The following ATG5 variants were observed in gnomAD, a reference collection of about 807,000 sequenced individuals.
ATG5 encodes autophagy related 5.
ATG5 carries 14 observed loss-of-function variants against 36.5 expected under a neutral mutation model. That is an observed-to-expected ratio of 0.38 (90% CI 0.25 to 0.60). The LOEUF (loss-of-function observed/expected upper bound fraction) is 0.60, where lower values mean the gene tolerates loss of function less well. ATG5 is among the 20% of genes least tolerant of loss of function. The probability of loss-of-function intolerance (pLI) is 0.60; values close to 1 mark genes in which losing one functional copy is unlikely to be tolerated. For synonymous variants in ATG5, 95 were observed against 101.5 expected (o/e 0.94, Z 0.38); for missense variants, 195 against 326.7 (o/e 0.60, Z 3.11).
chr6:106,191,593 A>G (rs1775967868), intron 7 of ATG5, among the ~76,000 whole-genome samples: 1 of 152,146 alleles, frequency 6.6e-6, no homozygotes, highest in Admixed American at 6.6e-5. Flanking sequence ...TCTAATCTCC[A>G]GTTACATGAA....
intron 6 of ATG5, among the ~76,000 whole-genome samples, chr6:106,231,430 G>C (rs1777686119): frequency 6.6e-6 from 1 of 152,210 alleles, no homozygotes; most frequent in Non-Finnish European, 1.5e-5. Context: ...AGGCCAGCAG[G>C]CAGTTCCCAG....
intron 6 of ATG5, among the ~76,000 whole-genome samples, chr6:106,215,668 A>G (rs997886168): frequency 3.9e-5 from 6 of 152,092 alleles, no homozygotes; most frequent in African/African-American, 7.2e-5. Context: ...TAAAAAAAAT[A>G]TAAGAGGAAA....
At chr6:106,247,436 A>G (rs1423961467) in intron 6 of ATG5, among the ~76,000 whole-genome samples, 1 of 152,216 alleles carries the variant, frequency 6.6e-6, no homozygotes, top group African/African-American at 2.4e-5. Flanking sequence ...TTAAGAGCCT[A>G]TTGCCTACTT....
intron 7 of ATG5, among the ~76,000 whole-genome samples, chr6:106,193,319 T>C (rs1776040625): frequency 6.6e-6 from 1 of 152,204 alleles, no homozygotes; most frequent in Non-Finnish European, 1.5e-5. Flanking sequence ...AAATACCAGA[T>C]ATACCACATA....
chr6:106,232,003 C>G (rs988409527), intron 6 of ATG5, among the ~76,000 whole-genome samples: 1 of 152,208 alleles, frequency 6.6e-6, no homozygotes, highest in Non-Finnish European at 1.5e-5. Context: ...AAGCCGCCCC[C>G]TCGTCCATGC....
At chr6:106,216,319 T>C (rs942556704) in intron 6 of ATG5, among the ~76,000 whole-genome samples, 7 of 152,170 alleles carry the variant, frequency 4.6e-5, no homozygotes, top group Non-Finnish European at 1.0e-4. Context: ...GCAGCTTTTA[T>C]TCATAATAGC....
At chr6:106,188,341 T>C (rs1014694317) in intron 7 of ATG5, among the ~76,000 whole-genome samples, 6 of 152,226 alleles carry the variant, frequency 3.9e-5, no homozygotes, top group Admixed American at 1.3e-4. Context: ...AATATTTTAA[T>C]ATTCTCAGAA....
At chr6:106,191,011 C>G (rs1413036557) in intron 7 of ATG5, among the ~76,000 whole-genome samples, 1 of 152,116 alleles carries the variant, frequency 6.6e-6, no homozygotes, top group Non-Finnish European at 1.5e-5. Context: ...CAACAAAGGG[C>G]TCTGAGCAGG....
chr6:106,313,427 G>C (rs1304356247), intron 2 of ATG5, among the ~76,000 whole-genome samples: 3 of 152,188 alleles, frequency 2.0e-5, no homozygotes, highest in African/African-American at 7.2e-5. Context: ...AAGGGTCCAT[G>C]ACATTGATGA....
At chr6:106,296,472 CA>C (rs1423478169) in intron 3 of ATG5, among the ~76,000 whole-genome samples, 4 of 152,198 alleles carry the variant, frequency 2.6e-5, no homozygotes, top group Non-Finnish European at 5.9e-5. Context: ...ACCCTTCTTT[CA>C]TTTTCTTATG....
rs991487260 is a variant in ATG5 at position 106,192,833 on chromosome 6, TTC to T, written c.692-6159_692-6158del. ...ATTACCACTAGCCTGAACAATTTTGTTCTGTCTGACAAATTCTTTAACCTCTG... is the reference window on the plus strand; with the variant it reads ...ATTACCACTAGCCTGAACAATTTTGTTGTCTGACAAATTCTTTAACCTCTG... On this transcript the variant is annotated intron_variant, in intron 7 of 7. Transcript: ENST00000369076. 1.8e-4 allele frequency among the ~76,000 whole-genome samples: 27 copies of T among 152,338 alleles called. No homozygotes were observed. The East Asian group carries it at 4.2e-3, about 24-fold the overall frequency.
At chr6:106,214,847 A>G (rs904997328) in intron 6 of ATG5, among the ~76,000 whole-genome samples, 1 of 152,168 alleles carries the variant, frequency 6.6e-6, no homozygotes, top group African/African-American at 2.4e-5. Flanking sequence ...TTAAATTTTT[A>G]TATGAACTTA....
intron 6 of ATG5, among the ~76,000 whole-genome samples, chr6:106,234,640 ATTCTT>A (rs1342326338): frequency 1.3e-5 from 2 of 152,152 alleles, no homozygotes; most frequent in African/African-American, 4.8e-5. Context: ...GCTTCCTCTC[ATTCTT>A]AGTGCCCCCA....
intron 6 of ATG5, among the ~76,000 whole-genome samples, chr6:106,216,419 A>C (rs987321550): frequency 6.6e-6 from 1 of 152,134 alleles, no homozygotes; most frequent in Non-Finnish European, 1.5e-5. Flanking sequence ...GGGCCATAAA[A>C]AGAATGATGT....
At chr6:106,297,017 T>C (rs924314533) in intron 3 of ATG5, among the ~76,000 whole-genome samples, 13 of 152,128 alleles carry the variant, frequency 8.5e-5, no homozygotes, top group African/African-American at 2.9e-4. Context: ...TTAATGACAA[T>C]AGTGAAATTG....
At chr6:106,323,753 T>C (rs144692780) in intron 1 of ATG5, among the ~76,000 whole-genome samples, 12 of 152,310 alleles carry the variant, frequency 7.9e-5, no homozygotes, top group Non-Finnish European at 1.8e-4. Context: ...ACAGTCAACA[T>C]AGCAATCAGA....
In ATG5 at chr6:106,246,375, C is replaced by CTG. The variant is rs1382549322; in HGVS notation, c.573+1774_573+1775insCA. 2.2e-4 allele frequency among the ~76,000 whole-genome samples: 19 copies of CTG among 88,164 alleles called. No individual in the cohort carries two copies. The East Asian group carries it at 5.8e-3, about 27-fold the overall frequency. 57.8% of individuals were successfully genotyped at this position (88,164 alleles called of 152,430 possible). A position where few individuals can be genotyped will look rare whatever the true frequency, so the allele number is the denominator to read the frequency against. On this transcript the variant is annotated intron_variant, in intron 6 of 7. Coordinates refer to ENST00000369076, the MANE Select transcript of ATG5 (RefSeq NM_004849.4). ...AACCATTCTCTCTCTGTCTCTGTCT[C>CTG]TCTCTCTCTCTCTCTCTCACACACA...
At chr6:106,286,820 C>A (rs533518669) in intron 4 of ATG5, among the ~76,000 whole-genome samples, 1 of 152,258 alleles carries the variant, frequency 6.6e-6, no homozygotes, top group Admixed American at 6.5e-5. Context: ...AGAAGATAGG[C>A]CCCTCAATCC....
At chr6:106,205,633 G>T (rs1486487150) in intron 6 of ATG5, among the ~76,000 whole-genome samples, 1 of 152,040 alleles carries the variant, frequency 6.6e-6, no homozygotes, top group Non-Finnish European at 1.5e-5. Flanking sequence ...TTAAAAAACA[G>T]AAATTCTTCT....
Sources: gnomAD v4.1 joint callset for allele counts (sites outside exome capture counted in the v4.1 genomes callset) on GRCh38, gnomAD v4.1.1 for gene constraint, MANE v1.5 for transcripts, NCBI Gene and HGNC (gene_info 2026-07-23, HGNC 2026-07-21) for gene names.